ZNF525: variants seen among roughly 807,000 people sequenced by gnomAD.
The protein encoded by ZNF525 is zinc finger protein 525.
Under a neutral mutation model 37.6 loss-of-function variants are expected in ZNF525, and 33 were observed. That is an observed-to-expected ratio of 0.88 (90% CI 0.67 to 1.17). ZNF525 has a LOEUF of 1.17. Ranked by LOEUF, ZNF525 falls within the 50% of genes most tolerant of loss-of-function variation. ZNF525 has a pLI of 0.00. For missense variants in ZNF525, 449 were observed against 543.1 expected, an observed-to-expected ratio of 0.83 and a Z score of 1.72; for synonymous variants, 170 against 182.3, an observed-to-expected ratio of 0.93 and a Z score of 0.54.
rs755493008 is a variant in ZNF525, at chr19:53,381,983, G to A, written c.1404G>A (p.Lys468=). ...TTCATAGTGGAGAGAAACCTTGCAAGTGTGGAGAATGTGACAAGGCTTACA... is the reference window on the plus strand; with the variant it reads ...TTCATAGTGGAGAGAAACCTTGCAAATGTGGAGAATGTGACAAGGCTTACA... ...CRLHSGEKPC[K]CGECDKAYSF... is the part of the protein sequence containing the mutation. The change falls in exon 4 of 4, where the codon AAG becomes AAA. Residue 468 remains lysine, a synonymous_variant. Transcript: ENST00000474037. 53 of 1,085,860 alleles carry A rather than the reference G, an allele frequency of 4.9e-5. No homozygotes were observed. The highest frequency in any genetic ancestry group is 6.8e-5 in the Non-Finnish European group (48 of 705,054). 67.3% of individuals were successfully genotyped at this position (1,085,860 alleles called of 1,614,324 possible). A position where few individuals can be genotyped will look rare whatever the true frequency, so the allele number is the denominator to read the frequency against.
intron 2 of ZNF525, 86 bp from the exon 3 acceptor site, chr19:53,375,684 T>C: frequency 1.2e-6 from 2 of 1,612,358 alleles, no homozygotes; most frequent in African/African-American, 1.3e-5. Flanking sequence ...ATTAAATCCA[T>C]GCTTTCCCCT....
chr19:53,370,407 C>A lies in ZNF525; in HGVS notation c.-67-1808C>A, dbSNP rs1340853060. Among the ~76,000 whole-genome samples the A allele has an allele frequency of 3.9e-4, 26 of 67,352 alleles. 1 individual carries two copies. The allele number at this position is 67,352 out of a possible 152,430, so 44.2% of individuals were successfully genotyped here. A position where few individuals can be genotyped will look rare whatever the true frequency, so the allele number is the denominator to read the frequency against. On this transcript the variant is annotated intron_variant, in intron 1 of 3. Coordinates refer to ENST00000474037, the MANE Select transcript of ZNF525 (RefSeq NM_001348156.2). ...CCAGCCTGGGAGACAGAGCGAGACT[C>A]CATGTCAAAAAAAAAAAAAAAAAAG... is the stretch of plus-strand genomic sequence containing the variant.
rs747697925 is a variant in ZNF525 at position 53,381,714 on chromosome 19, G to T, written c.1135G>T (p.Gly379Ter). Residue 379 changes from glycine (G) to a stop codon, truncating the protein, a stop_gained, in exon 4 of 4, where the codon GGA becomes TGA. Coordinates refer to ENST00000474037, the MANE Select transcript of ZNF525 (RefSeq NM_001348156.2). LOFTEE classifies it high-confidence loss of function. ...TGAAAGTCATAGGATAACTCATACT[G>T]GAGAGAAACCATACAAGTGTAATGA... Reference protein sequence around the residue: ...NLESHRITHTGEKPYKCNDCG... With the variant: ...NLESHRITHT 9.2e-7 allele frequency: 1 copy of T among 1,084,108 alleles called. No individual in the cohort carries two copies. Among genetic ancestry groups the T allele is most frequent in the South Asian group, 1.2e-5 (1 of 80,258 alleles). 67.2% of individuals were successfully genotyped at this position (1,084,108 alleles called of 1,614,324 possible).
At chr19:53,367,151 C>T (rs1239545367) in intron 1 of ZNF525, among the ~76,000 whole-genome samples, 2 of 151,912 alleles carry the variant, frequency 1.3e-5, no homozygotes, top group African/African-American at 4.8e-5. Context: ...TTTCCTTCAC[C>T]CTTGTTCTGG....
Position 53,384,511 on chromosome 19 carries a change from C to G in ZNF525, c.*2492C>G, listed in dbSNP as rs1053468159. On this transcript the variant is annotated 3_prime_UTR_variant, in exon 4 of 4. Transcript: ENST00000474037. ...TTGATTTCAAGGTACAAACGTCTCA[C>G]CTTTTTACGTTTATTCCTAAGTATT... 1 of 156,714 alleles carries G rather than the reference C, an allele frequency of 6.4e-6. No homozygotes were observed. The highest frequency in any genetic ancestry group is 1.4e-5 in the Non-Finnish European group (1 of 70,012). The allele number at this position is 156,714 out of a possible 1,614,324, so 9.7% of individuals were successfully genotyped here.
intron 1 of ZNF525, among the ~76,000 whole-genome samples, chr19:53,371,237 G>A (rs2085486033): frequency 1.4e-5 from 2 of 140,124 alleles, no homozygotes; most frequent in African/African-American, 2.6e-5. Context: ...TCACTCTGTC[G>A]CACAGGCTGT....
chr19:53,373,820 C>CAAA (rs34058383), intron 2 of ZNF525, among the ~76,000 whole-genome samples: 4 of 143,484 alleles, frequency 2.8e-5, no homozygotes, highest in Admixed American at 1.4e-4. Context: ...GACTTCGTCT[C>CAAA]AAAAAAAAAA....
Position 53,383,251 on chromosome 19 carries a change from T to C in ZNF525, c.*1232T>C, listed in dbSNP as rs1316660542. On this transcript the variant is annotated 3_prime_UTR_variant, in exon 4 of 4. Coordinates refer to ENST00000474037, the MANE Select transcript of ZNF525 (RefSeq NM_001348156.2). ...AGAAACCTTACAAGTGTAATGAGTGTGGCAAAACCTTCCATCACAATTCAG... is the reference window on the plus strand; with the variant it reads ...AGAAACCTTACAAGTGTAATGAGTGCGGCAAAACCTTCCATCACAATTCAG... The C allele has an allele frequency of 9.8e-6, 14 of 1,429,736 alleles. No individual in the cohort carries two copies. Among genetic ancestry groups the C allele is most frequent in the Non-Finnish European group, 1.3e-5 (14 of 1,040,732 alleles). 88.6% of individuals were successfully genotyped at this position (1,429,736 alleles called of 1,614,324 possible). A position where few individuals can be genotyped will look rare whatever the true frequency, so the allele number is the denominator to read the frequency against.
intron 2 of ZNF525, 128 bp from the exon 3 acceptor site, chr19:53,375,642 C>T: frequency 1.2e-6 from 2 of 1,600,602 alleles, no homozygotes; most frequent in South Asian, 1.1e-5. Context: ...GTGAAAAACC[C>T]CTTACTCGGA....
At chr19:53,372,518 T>C in intron 2 of ZNF525, 2 of 886,968 alleles carry the variant, frequency 2.3e-6, no homozygotes, top group Non-Finnish European at 3.6e-6. Flanking sequence ...TGGGAAGGGC[T>C]CACAACCAGA....
Position 53,385,096 on chromosome 19 carries a change from C to CCAT in ZNF525, c.*3079_*3081dup, listed in dbSNP as rs1310275558. ...CATTGATTTGCTTGAATATGTTGAA[C>CCAT]CATCCTTGCATCCCAGAAATAACTG... is the stretch of plus-strand genomic sequence containing the variant. On this transcript the variant is annotated 3_prime_UTR_variant, in exon 4 of 4. Coordinates refer to ENST00000474037, the MANE Select transcript of ZNF525 (RefSeq NM_001348156.2). The CCAT allele has an allele frequency of 1.8e-6, 1 of 557,382 alleles. No individual in the cohort carries two copies. The highest frequency in any genetic ancestry group is 3.2e-6 in the Non-Finnish European group (1 of 312,510). 34.5% of individuals were successfully genotyped at this position (557,382 alleles called of 1,614,324 possible). A position where few individuals can be genotyped will look rare whatever the true frequency, so the allele number is the denominator to read the frequency against.
Position 53,380,830 on chromosome 19 carries a change from A to AT in ZNF525, c.256dup (p.Ser86PhefsTer6), listed in dbSNP as rs759512863. On this transcript the variant is annotated frameshift_variant, in exon 4 of 4. Transcript: ENST00000474037. LOFTEE classifies it high-confidence loss of function. ...AGACATGAACGTCATCACATTGGAG[A>AT]TTTTTCCTTCCAGGAAATTGAGAAA... 1.4e-6 allele frequency: 2 copies of AT among 1,439,994 alleles called. No individual in the cohort carries two copies. The highest frequency in any genetic ancestry group is 4.5e-5 in the East Asian group (2 of 44,028). 89.2% of individuals were successfully genotyped at this position (1,439,994 alleles called of 1,614,324 possible). A position where few individuals can be genotyped will look rare whatever the true frequency, so the allele number is the denominator to read the frequency against.
At chr19:53,366,481 C>T (rs868705478) in intron 1 of ZNF525, among the ~76,000 whole-genome samples, 4 of 150,592 alleles carry the variant, frequency 2.7e-5, no homozygotes, top group African/African-American at 9.8e-5. Flanking sequence ...ATGAGAAAGG[C>T]CCATAACAGA....
chr19:53,373,008 G>C (rs2085498180), intron 2 of ZNF525, among the ~76,000 whole-genome samples: 1 of 152,092 alleles, frequency 6.6e-6, no homozygotes. Context: ...TCACATATGA[G>C]AGCAGTACTT....
Position 53,381,824 on chromosome 19 carries a change from A to G in ZNF525, c.1245A>G (p.Glu415=). The change falls in exon 4 of 4, where the codon GAA becomes GAG. Residue 415 remains glutamate (E), a synonymous_variant. Transcript: ENST00000474037. ...GAGAGAAACCTTACAAGTGTGAAGA[A>G]TGTGATGAAGCTTTCCGTTTCAAAT... ...HTGEKPYKCE[E]CDEAFRFKSS... The G allele has an allele frequency of 9.4e-7, 1 of 1,058,526 alleles. No homozygotes were observed. Among genetic ancestry groups the G allele is most frequent in the Non-Finnish European group, 1.5e-6 (1 of 672,106 alleles). 65.6% of individuals were successfully genotyped at this position (1,058,526 alleles called of 1,614,324 possible). A position where few individuals can be genotyped will look rare whatever the true frequency, so the allele number is the denominator to read the frequency against.
intron 3 of ZNF525, among the ~76,000 whole-genome samples, chr19:53,380,299 T>A (rs1322141720): frequency 6.6e-6 from 1 of 152,150 alleles, no homozygotes; most frequent in Non-Finnish European, 1.5e-5. Context: ...TATGATTATT[T>A]AACAATACAG....
Position 53,380,956 on chromosome 19 carries a change from A to G in ZNF525, c.377A>G (p.Tyr126Cys), listed in dbSNP as rs2085555775. 6.3e-7 allele frequency: 1 copy of G among 1,578,628 alleles called. No individual in the cohort carries two copies. The highest frequency in any genetic ancestry group is 8.7e-7 in the Non-Finnish European group (1 of 1,147,846). The change falls in exon 4 of 4, where the codon TAT (tyrosine) becomes TGT (cysteine). Residue 126 changes from tyrosine (Y) to cysteine (C), a missense_variant. Tyr to Cys is a radical substitution (Grantham distance 194). Around this residue, in one of 2 missense-constraint regions of ZNF525, gnomAD observed 271 missense variants for 381.6 expected, o/e 0.71. Coordinates refer to ENST00000474037, the MANE Select transcript of ZNF525 (RefSeq NM_001348156.2). ...IKKLMGSTEQ[Y>C]DHRHAGNKPI... ...AAATTGATGGGTAGTACAGAGCAAT[A>G]TGATCACAGGCATGCTGGAAACAAG...
chr19:53,384,701 A>G lies in ZNF525; in HGVS notation c.*2682A>G. 1 of 366,068 alleles carries G rather than the reference A, an allele frequency of 2.7e-6. No homozygotes were observed. The highest frequency in any genetic ancestry group is 4.9e-6 in the Non-Finnish European group (1 of 202,314). 22.7% of individuals were successfully genotyped at this position (366,068 alleles called of 1,614,324 possible). A position where few individuals can be genotyped will look rare whatever the true frequency, so the allele number is the denominator to read the frequency against. Reference sequence around the variant, plus strand: ...CAGTACTATTTTGGTTGAGTCTGTGATTTTCTACACAGAAGGTCATGTCGT... The same window carrying G: ...CAGTACTATTTTGGTTGAGTCTGTGGTTTTCTACACAGAAGGTCATGTCGT... On this transcript the variant is annotated 3_prime_UTR_variant, in exon 4 of 4. Coordinates refer to ENST00000474037, the MANE Select transcript of ZNF525 (RefSeq NM_001348156.2).
chr19:53,382,391 G>T lies in ZNF525; in HGVS notation c.*372G>T. The T allele has an allele frequency of 4.7e-6, 5 of 1,058,938 alleles. No individual in the cohort carries two copies. The South Asian group carries it at 6.3e-5, about 13-fold the overall frequency. 65.6% of individuals were successfully genotyped at this position (1,058,938 alleles called of 1,614,324 possible). Reference sequence around the variant, plus strand: ...GACATAGGAGAATTCATAATGGAGAGAAACCGTACAAGTGTAATGAGTGTG... The same window carrying T: ...GACATAGGAGAATTCATAATGGAGATAAACCGTACAAGTGTAATGAGTGTG... On this transcript the variant is annotated 3_prime_UTR_variant, in exon 4 of 4. Coordinates refer to ENST00000474037, the MANE Select transcript of ZNF525 (RefSeq NM_001348156.2).
Sources: allele counts gnomAD v4.1 joint callset (sites outside exome capture counted in the v4.1 genomes callset), GRCh38; gene constraint gnomAD v4.1.1; regional missense constraint gnomAD v4.1.1; transcripts MANE v1.5; gene names NCBI Gene and HGNC (gene_info 2026-07-23, HGNC 2026-07-21).